Variants in POMP observed in about 807,000 individuals in gnomAD.
POMP encodes 2510048O06Rik.
POMP carries 12 observed loss-of-function variants against 20.6 expected under a neutral mutation model. That is an observed-to-expected ratio of 0.58 (90% confidence interval 0.37 to 0.94). POMP has a LOEUF of 0.94. Among genes scored for constraint, POMP ranks in the 40% least tolerant of loss-of-function variants. The pLI, the probability that POMP is intolerant of heterozygous loss-of-function variation, is 0.01. For synonymous variants in POMP, 53 were observed against 55.0 expected (o/e 0.96, Z 0.16); for missense variants, 136 against 161.1 (o/e 0.84, Z 0.84).
chr13:28,667,772 A>T (rs1884474427), intron 3 of POMP, among the ~76,000 whole-genome samples: 1 of 152,202 alleles, frequency 6.6e-6, no homozygotes, highest in Non-Finnish European at 1.5e-5. Context: ...TATTACATTC[A>T]CTATCCTTAG....
chr13:28,671,212 G>C (rs1884539824), intron 4 of POMP, among the ~76,000 whole-genome samples: 1 of 152,164 alleles, frequency 6.6e-6, no homozygotes, highest in Non-Finnish European at 1.5e-5. Flanking sequence ...TTAAGAACTT[G>C]AGTAAGCTGG....
rs191242959 is a variant in POMP, at chr13:28,670,663, C to G, written c.265-1676C>G. 4.6e-3 allele frequency among the ~76,000 whole-genome samples: 707 copies of G among 152,348 alleles called. 4 individuals are homozygous for G. The highest frequency in any genetic ancestry group is 0.015 in the South Asian group (73 of 4,822). On this transcript the variant is annotated intron_variant, in intron 4 of 5. Coordinates refer to ENST00000380842, the MANE Select transcript of POMP (RefSeq NM_015932.6). ...TTAAACTACTTGCAGTTTCCTAATTCATTAAGTTCTTTCACTGTTAGGCGT... is the reference window on the plus strand; with the variant it reads ...TTAAACTACTTGCAGTTTCCTAATTGATTAAGTTCTTTCACTGTTAGGCGT...
Position 28,662,435 on chromosome 13 carries a change from TA to T in POMP, c.32del (p.Lys11ArgfsTer28). Reference protein sequence around the residue: MNARGLGSELKDSIPVTELS... With the variant: MNARGLGSEXKDSIPVTELS... Reference sequence around the variant, plus strand: ...AATGCCAGAGGACTTGGATCTGAGCTAAAGGACAGTATTCCAGTTACTGAAC... The same window carrying T: ...AATGCCAGAGGACTTGGATCTGAGCTAAGGACAGTATTCCAGTTACTGAAC... On this transcript the variant is annotated frameshift_variant, in exon 2 of 6. Transcript: ENST00000380842. LOFTEE classifies it high-confidence loss of function. 1 of 1,613,820 alleles carries T rather than the reference TA, an allele frequency of 6.2e-7. No individual in the cohort carries two copies. Among genetic ancestry groups the T allele is most frequent in the Non-Finnish European group, 8.5e-7 (1 of 1,179,716 alleles).
chr13:28,675,244 A>G (rs142911190), intron 5 of POMP, among the ~76,000 whole-genome samples: 6,623 of 151,548 alleles, frequency 0.044, 488 homozygotes, highest in African/African-American at 0.15. Flanking sequence ...GGGTTCAAGC[A>G]ATTCTCCTGC....
intron 4 of POMP, among the ~76,000 whole-genome samples, chr13:28,669,343 T>A (rs1198471802): frequency 6.6e-6 from 1 of 152,166 alleles, no homozygotes; most frequent in African/African-American, 2.4e-5. Context: ...TAATAATGGC[T>A]TCTTCCTTTT....
At chr13:28,665,461 C>T (rs1372179675) in intron 3 of POMP, among the ~76,000 whole-genome samples, 1 of 152,148 alleles carries the variant, frequency 6.6e-6, no homozygotes, top group Non-Finnish European at 1.5e-5. Context: ...ATTCAGGTTT[C>T]AGGTGCAGAA....
intron 1 of POMP, 87 bp downstream of exon 1, chr13:28,659,274 C>G (rs1023839248): frequency 6.5e-7 from 1 of 1,540,702 alleles, no homozygotes; most frequent in South Asian, 1.2e-5. Flanking sequence ...CAACCCGTCC[C>G]CGGTGGCGGC....
chr13:28,672,662 C>T (rs1190234917), intron 5 of POMP, among the ~76,000 whole-genome samples: 4 of 151,952 alleles, frequency 2.6e-5, no homozygotes, highest in South Asian at 2.1e-4. Context: ...TTTGGGAGGC[C>T]GGGGTGGGCA....
chr13:28,666,686 G>A (rs1357585301), intron 3 of POMP, among the ~76,000 whole-genome samples: 1 of 152,184 alleles, frequency 6.6e-6, no homozygotes, highest in Non-Finnish European at 1.5e-5. Flanking sequence ...TTAAGCCTTA[G>A]TCTTCTCATC....
At chr13:28,666,579 A>G (rs952444065) in intron 3 of POMP, among the ~76,000 whole-genome samples, 4 of 152,204 alleles carry the variant, frequency 2.6e-5, no homozygotes, top group South Asian at 2.1e-4. Flanking sequence ...TGTGACTCTT[A>G]CTGTCTATTA....
chr13:28,674,117 A>AG (rs1287490952), intron 5 of POMP, among the ~76,000 whole-genome samples: 1 of 152,246 alleles, frequency 6.6e-6, no homozygotes, highest in East Asian at 1.9e-4. Flanking sequence ...GAACAGCTGA[A>AG]GAACTCTGAA....
intron 4 of POMP, among the ~76,000 whole-genome samples, chr13:28,671,449 CTTTT>C (rs58068200): frequency 6.9e-6 from 1 of 144,792 alleles, no homozygotes; most frequent in Non-Finnish European, 1.5e-5. Context: ...AATTCTCTGT[CTTTT>C]TTTTTTTTTT....
intron 2 of POMP, among the ~76,000 whole-genome samples, chr13:28,664,239 C>A (rs1369199399): frequency 6.6e-6 from 1 of 152,080 alleles, no homozygotes; most frequent in African/African-American, 2.4e-5. Context: ...GCAAGTTTTC[C>A]CTAGTGATTG....
chr13:28,669,136 T>A (rs916388886), intron 4 of POMP, among the ~76,000 whole-genome samples: 6 of 152,128 alleles, frequency 3.9e-5, no homozygotes, highest in African/African-American at 1.4e-4. Flanking sequence ...CAATTTCAAA[T>A]TCCTTTATAG....
At chr13:28,668,622 G>T (rs765673726) in intron 4 of POMP, 48 bp downstream of exon 4, 2 of 1,395,736 alleles carry the variant, frequency 1.4e-6, no homozygotes, top group Admixed American at 1.7e-5. Flanking sequence ...CATTCATGAG[G>T]AATCTTCTGT....
intron 3 of POMP, among the ~76,000 whole-genome samples, chr13:28,664,924 G>GC (rs1336103445): frequency 6.6e-6 from 1 of 152,142 alleles, no homozygotes; most frequent in Non-Finnish European, 1.5e-5. Context: ...TTTAAGTCCT[G>GC]CATCTCCGAG....
chr13:28,659,416 C>T (rs1049218218), intron 1 of POMP, among the ~76,000 whole-genome samples: 3 of 152,212 alleles, frequency 2.0e-5, no homozygotes, highest in Non-Finnish European at 4.4e-5. Context: ...TCATCCTGCT[C>T]CTCTTAGCTC....
Position 28,678,306 on chromosome 13 carries a change from T to C in POMP, c.*204T>C. Reference sequence around the variant, plus strand: ...CTAAAGGGAGATCATGTTAAAGCTCTTAATTTATATTAAAACAGTAGCCTT... The same window carrying C: ...CTAAAGGGAGATCATGTTAAAGCTCCTAATTTATATTAAAACAGTAGCCTT... On this transcript the variant is annotated 3_prime_UTR_variant, in exon 6 of 6. Transcript: ENST00000380842. 1.8e-6 allele frequency: 1 copy of C among 565,920 alleles called. No individual in the cohort carries two copies. Among genetic ancestry groups the C allele is most frequent in the Non-Finnish European group, 3.2e-6 (1 of 317,058 alleles). 35.1% of individuals were successfully genotyped at this position (565,920 alleles called of 1,614,324 possible).
rs902057231 is a variant in POMP, at chr13:28,672,396, A to C, written c.322A>C (p.Asn108His). The C allele has an allele frequency of 1.9e-6, 3 of 1,608,978 alleles. No homozygotes were observed. The highest frequency in any genetic ancestry group is 2.6e-6 in the Non-Finnish European group (3 of 1,175,408). ...TCTTTCACTGGATGTTTTGAGGGGT[A>C]ATGATGAGACTATTGGATTTGAGGA... ...SNLSLDVLRG[N>H]DETIGFEDIL... Residue 108 changes from asparagine (N) to histidine (H), a missense_variant, in exon 5 of 6, where the codon AAT (asparagine) becomes CAT (histidine). Coordinates refer to ENST00000380842, the MANE Select transcript of POMP (RefSeq NM_015932.6).
Sources: gnomAD v4.1 joint callset for allele counts (sites outside exome capture counted in the v4.1 genomes callset) on GRCh38, gnomAD v4.1.1 for gene constraint, MANE v1.5 for transcripts, NCBI Gene and HGNC (gene_info 2026-07-23, HGNC 2026-07-21) for gene names.